Variants in ARHGAP26 observed in about 807,000 individuals in gnomAD.
ARHGAP26 encodes Rho GTPase activating protein 26, also known as rho GTPase-activating protein 26.
Under a neutral mutation model 104.8 loss-of-function variants are expected in ARHGAP26, and 38 were observed. The ratio of observed to expected loss-of-function variants is 0.36; its 90% CI spans 0.28 to 0.48. The LOEUF is 0.48. Among genes scored for constraint, ARHGAP26 ranks in the 20% least tolerant of loss-of-function variants. The probability of loss-of-function intolerance (pLI) is 0.99; values close to 1 mark genes in which losing one functional copy is unlikely to be tolerated. For synonymous variants in ARHGAP26, 341 were observed against 340.0 expected (o/e 1.00, Z -0.03); for missense variants, 704 against 947.9 (o/e 0.74, Z 3.38).
At chr5:142,959,611 A>C (rs1769862162) in intron 11 of ARHGAP26, among the ~76,000 whole-genome samples, 1 of 152,144 alleles carries the variant, frequency 6.6e-6, no homozygotes, top group African/African-American at 2.4e-5. Context: ...AGCCAAGGCC[A>C]GCATGTTGAA....
At chr5:142,964,182 G>A (rs1385026864) in intron 11 of ARHGAP26, among the ~76,000 whole-genome samples, 1 of 152,000 alleles carries the variant, frequency 6.6e-6, no homozygotes, top group African/African-American at 2.4e-5. Flanking sequence ...TTACCCTGAA[G>A]GATATAACAG....
intron 9 of ARHGAP26, among the ~76,000 whole-genome samples, 196 bp downstream of exon 9, chr5:142,908,000 T>G (rs1379316397): frequency 6.6e-6 from 1 of 152,242 alleles, no homozygotes; most frequent in Non-Finnish European, 1.5e-5. Context: ...ATGATTACTC[T>G]TAGCTCTAAC....
intron 20 of ARHGAP26, among the ~76,000 whole-genome samples, chr5:143,176,831 C>T (rs1251680282): frequency 6.6e-6 from 1 of 152,124 alleles, no homozygotes; most frequent in African/African-American, 2.4e-5. Flanking sequence ...TGATTTTCAT[C>T]GTTATGCAAT....
In ARHGAP26 at chr5:143,041,821, A is replaced by G; in HGVS notation, c.1216A>G (p.Asn406Asp). The G allele has an allele frequency of 6.2e-7, 1 of 1,607,146 alleles. No individual in the cohort carries two copies. The highest frequency in any genetic ancestry group is 2.2e-5 in the East Asian group (1 of 44,596). The change falls in exon 14 of 23, where the codon AAC becomes GAC. Residue 406 changes from asparagine (N) to aspartate (D), a missense_variant. Physicochemically the swap from Asn to Asp is conservative, Grantham distance 23. This residue lies in a region of ARHGAP26 where 287 missense variants were observed against 438.8 expected (regional missense o/e 0.65). Coordinates refer to ENST00000645722, the MANE Select transcript of ARHGAP26 (RefSeq NM_001135608.3). Reference protein sequence around the residue: ...CIHAVETRGINEQGLYRIVGV... With the variant: ...CIHAVETRGIDEQGLYRIVGV... ...ATCACTGTTTCTTTCCTCAGGGATCAACGAGCAAGGGCTGTATCGAATTGT... is the reference window on the plus strand; with the variant it reads ...ATCACTGTTTCTTTCCTCAGGGATCGACGAGCAAGGGCTGTATCGAATTGT...
chr5:142,968,461 ACAAATATTAGATATGCTCACTCT>A (rs1204878955), intron 11 of ARHGAP26, among the ~76,000 whole-genome samples: 4 of 152,210 alleles, frequency 2.6e-5, no homozygotes, highest in African/African-American at 9.6e-5. Context: ...TTTTTAACAT[ACAAATATTAGATATGCTCACTCT>A]CAAAATGCAA....
At chr5:142,905,863 A>G (rs1230949481) in intron 8 of ARHGAP26, among the ~76,000 whole-genome samples, 2 of 152,188 alleles carry the variant, frequency 1.3e-5, no homozygotes, top group African/African-American at 4.8e-5. Context: ...TTTAATCTGA[A>G]CTACAGTCCG....
At chr5:143,009,819 C>T (rs983538283) in intron 11 of ARHGAP26, among the ~76,000 whole-genome samples, 1 of 152,152 alleles carries the variant, frequency 6.6e-6, no homozygotes, top group Admixed American at 6.6e-5. Context: ...TTAGAGTACT[C>T]AGATAGAGCT....
rs115594710 is a variant in ARHGAP26 at position 143,225,877 on chromosome 5, A to G, written c.*3431A>G. On this transcript the variant is annotated 3_prime_UTR_variant, in exon 23 of 23. Coordinates refer to ENST00000645722, the MANE Select transcript of ARHGAP26 (RefSeq NM_001135608.3). ...GGCTCCCCTCCTTCCTATTAGCTACAAAACTGGATAAACTTCAGAATATGA... is the reference window on the plus strand; with the variant it reads ...GGCTCCCCTCCTTCCTATTAGCTACGAAACTGGATAAACTTCAGAATATGA... The G allele has an allele frequency of 2.9e-3, 647 of 225,150 alleles. 5 individuals carry two copies. Among genetic ancestry groups the G allele is most frequent in the African/African-American group, 0.014 (617 of 44,912 alleles). 13.9% of individuals were successfully genotyped at this position (225,150 alleles called of 1,614,324 possible). A position where few individuals can be genotyped will look rare whatever the true frequency, so the allele number is the denominator to read the frequency against.
intron 20 of ARHGAP26, among the ~76,000 whole-genome samples, chr5:143,185,789 G>A (rs1805048973): frequency 6.6e-6 from 1 of 152,140 alleles, no homozygotes; most frequent in Non-Finnish European, 1.5e-5. Context: ...TTCAAAAGAG[G>A]GGAGTGAGGC....
intron 8 of ARHGAP26, among the ~76,000 whole-genome samples, chr5:142,905,636 A>G (rs954505476): frequency 8.5e-5 from 13 of 152,220 alleles, no homozygotes; most frequent in African/African-American, 3.1e-4. Context: ...ATATGGTTGC[A>G]TATACCATGC....
chr5:143,111,040 C>T (rs1318051305), intron 17 of ARHGAP26, among the ~76,000 whole-genome samples: 5 of 152,218 alleles, frequency 3.3e-5, no homozygotes, highest in African/African-American at 1.2e-4. Context: ...TTTTGGAAAA[C>T]TAGGCAGCTT....
chr5:143,053,736 A>T (rs1402674210), intron 14 of ARHGAP26, among the ~76,000 whole-genome samples: 1 of 152,242 alleles, frequency 6.6e-6, no homozygotes, highest in African/African-American at 2.4e-5. Context: ...TAAAAATACA[A>T]AAGTAATGGA....
At chr5:143,082,502 C>T (rs1789972253) in intron 17 of ARHGAP26, among the ~76,000 whole-genome samples, 2 of 152,192 alleles carry the variant, frequency 1.3e-5, no homozygotes, top group African/African-American at 2.4e-5. Flanking sequence ...TATCTGGTAT[C>T]TACTATCATT....
intron 4 of ARHGAP26, among the ~76,000 whole-genome samples, 185 bp downstream of exon 4, chr5:142,879,630 G>C (rs1433048412): frequency 2.0e-5 from 3 of 152,286 alleles, no homozygotes; most frequent in Admixed American, 6.5e-5. Context: ...ACTGAAGTAC[G>C]ACCATCTGAG....
At chr5:143,111,412 C>G (rs1339587889) in intron 17 of ARHGAP26, among the ~76,000 whole-genome samples, 1 of 152,118 alleles carries the variant, frequency 6.6e-6, no homozygotes, top group Non-Finnish European at 1.5e-5. Context: ...GATATGTGAC[C>G]TTAGACAGAT....
chr5:142,896,611 T>G (rs1562036653), intron 6 of ARHGAP26, among the ~76,000 whole-genome samples: 2 of 152,222 alleles, frequency 1.3e-5, no homozygotes, highest in Non-Finnish European at 2.9e-5. Flanking sequence ...CCTTCTTTCT[T>G]GAGAAAAGAA....
chr5:142,808,800 G>A (rs1205786918), intron 1 of ARHGAP26, among the ~76,000 whole-genome samples: 9 of 152,026 alleles, frequency 5.9e-5, no homozygotes, highest in African/African-American at 2.2e-4. Flanking sequence ...TTCTATCACC[G>A]CGGAGTGTAC....
chr5:143,214,100 A>G lies in ARHGAP26; in HGVS notation c.2191+12A>G. The G allele has an allele frequency of 1.2e-6, 1 of 814,940 alleles. No individual in the cohort carries two copies. The highest frequency in any genetic ancestry group is 1.9e-6 in the Non-Finnish European group (1 of 533,160). The allele number at this position is 814,940 out of a possible 1,614,324, so 50.5% of individuals were successfully genotyped here. A position where few individuals can be genotyped will look rare whatever the true frequency, so the allele number is the denominator to read the frequency against. Reference sequence around the variant, plus strand: ...GGTCTTCGATAACGGTGAGTTTCTCATCCCCTCACAAAGATATGGGCGGGG... The same window carrying G: ...GGTCTTCGATAACGGTGAGTTTCTCGTCCCCTCACAAAGATATGGGCGGGG... On this transcript the variant is annotated intron_variant, in intron 22 of 22. Transcript: ENST00000645722.
intron 4 of ARHGAP26, among the ~76,000 whole-genome samples, chr5:142,881,445 G>A (rs1331579316): frequency 6.6e-6 from 1 of 151,978 alleles, no homozygotes; most frequent in African/African-American, 2.4e-5. Flanking sequence ...TGGTATAGAT[G>A]GTGACATACT....
Sources: allele counts gnomAD v4.1 joint callset (sites outside exome capture counted in the v4.1 genomes callset), GRCh38; gene constraint gnomAD v4.1.1; regional missense constraint gnomAD v4.1.1; transcripts MANE v1.5; gene names NCBI Gene and HGNC (gene_info 2026-07-23, HGNC 2026-07-21).